The following MMS22L variants were observed in gnomAD, a reference collection of about 807,000 sequenced individuals.
MMS22L encodes MMS22 like, DNA repair protein.
Under a neutral mutation model 159.1 loss-of-function variants are expected in MMS22L, and 74 were observed. That is an observed-to-expected ratio of 0.47 (90% CI 0.39 to 0.56). MMS22L has a LOEUF of 0.56. MMS22L is among the 20% of genes least tolerant of loss of function. The pLI, the probability that MMS22L is intolerant of heterozygous loss-of-function variation, is 0.00. For missense variants in MMS22L, 1,351 were observed against 1,422.1 expected (o/e 0.95, Z 0.80); for synonymous variants, 517 against 506.9 (o/e 1.02, Z -0.27).
At chr6:97,224,734 T>C (rs139854508) in intron 14 of MMS22L, among the ~76,000 whole-genome samples, 4 of 143,344 alleles carry the variant, frequency 2.8e-5, no homozygotes, top group East Asian at 2.0e-4. Context: ...TCATCTCTAA[T>C]TTTTTTTTTT....
chr6:97,225,243 GAA>G (rs573830696), intron 14 of MMS22L, among the ~76,000 whole-genome samples: 1 of 152,166 alleles, frequency 6.6e-6, no homozygotes, highest in African/African-American at 2.4e-5. Flanking sequence ...GTGAAATAGA[GAA>G]AAGAGTTCCT....
chr6:97,189,729 C>T (rs1363798131), intron 14 of MMS22L, among the ~76,000 whole-genome samples: 3 of 151,962 alleles, frequency 2.0e-5, no homozygotes, highest in Non-Finnish European at 4.4e-5. Flanking sequence ...TGGAAATGTG[C>T]ACCCACTTTG....
intron 8 of MMS22L, 71 bp downstream of exon 8, chr6:97,267,801 G>T: frequency 7.6e-7 from 1 of 1,308,474 alleles, no homozygotes; most frequent in South Asian, 2.3e-5. Context: ...AATTCTTACA[G>T]ATTAAACGAC....
intron 22 of MMS22L, among the ~76,000 whole-genome samples, chr6:97,159,929 C>CTTCTTATTTA (rs1461117017): frequency 7.1e-6 from 1 of 140,042 alleles, no homozygotes; most frequent in Non-Finnish European, 1.5e-5. Context: ...CTATATTAAC[C>CTTCTTATTTA]TTCTTATTTA....
Position 97,263,319 on chromosome 6 carries a change from CA to C in MMS22L, c.942+15del. On this transcript the variant is annotated intron_variant, in intron 9 of 24. Coordinates refer to ENST00000683635, the MANE Select transcript of MMS22L (RefSeq NM_001350599.2). ...AGGTTAGTAACAATAACCAACACAT[CA>C]ATTTTCCAACTTACTTCCGAGACAA... The C allele has an allele frequency of 6.8e-7, 1 of 1,468,232 alleles. No individual in the cohort carries two copies. 91.0% of individuals were successfully genotyped at this position (1,468,232 alleles called of 1,614,324 possible).
chr6:97,195,162 A>AAC (rs1806352835), intron 14 of MMS22L, among the ~76,000 whole-genome samples: 1 of 152,220 alleles, frequency 6.6e-6, no homozygotes, highest in Non-Finnish European at 1.5e-5. Context: ...AAGGGAGGGA[A>AAC]ACACACAGGT....
intron 14 of MMS22L, among the ~76,000 whole-genome samples, chr6:97,202,356 A>G (rs1320062354): frequency 6.6e-6 from 1 of 152,198 alleles, no homozygotes; most frequent in Non-Finnish European, 1.5e-5. Flanking sequence ...CTGAGATCAT[A>G]TACCTTTAAA....
intron 16 of MMS22L, among the ~76,000 whole-genome samples, chr6:97,179,994 C>T (rs995689730): frequency 4.1e-4 from 62 of 152,254 alleles, no homozygotes; most frequent in Middle Eastern, 6.8e-3. Flanking sequence ...TCTCACTATA[C>T]GGAGAGTTGT....
intron 11 of MMS22L, among the ~76,000 whole-genome samples, chr6:97,242,673 G>C (rs763491573): frequency 6.6e-6 from 1 of 152,058 alleles, no homozygotes; most frequent in Non-Finnish European, 1.5e-5. Context: ...GTTATTGTTT[G>C]ATAGGCCCTG....
chr6:97,253,343 T>C (rs950446230), intron 10 of MMS22L: 2 of 152,200 alleles, frequency 1.3e-5, no homozygotes, highest in African/African-American at 4.8e-5. Context: ...AAAGAATATG[T>C]TTCATAAAGC....
chr6:97,222,340 G>GT (rs2127981738), intron 14 of MMS22L, among the ~76,000 whole-genome samples: 1 of 152,102 alleles, frequency 6.6e-6, no homozygotes, highest in Admixed American at 6.5e-5. Context: ...TTTTCAAAAT[G>GT]TATTTTGAAG....
chr6:97,270,329 T>C (rs1391706377), intron 6 of MMS22L: 1 of 464,674 alleles, frequency 2.2e-6, no homozygotes. Context: ...TTCATAATTT[T>C]GTTTTAGAAT....
chr6:97,186,351 T>C (rs1157693763), intron 15 of MMS22L, 146 bp downstream of exon 15: 1 of 552,034 alleles, frequency 1.8e-6, no homozygotes, highest in African/African-American at 2.0e-5. Flanking sequence ...AGCCAAAGGA[T>C]CCCAATTTAT....
Position 97,256,482 on chromosome 6 carries a change from G to A in MMS22L, c.943-1749C>T, listed in dbSNP as rs541691558. On this transcript the variant is annotated intron_variant, in intron 9 of 24. Transcript: ENST00000683635. ...CATTCTTCTGCCTAAATATCCTTCA[G>A]GATTCTCTTCAATTTTGCTTCAATG... is the stretch of plus-strand genomic sequence containing the variant. 1.5e-3 allele frequency among the ~76,000 whole-genome samples: 227 copies of A among 151,940 alleles called. 1 individual carries two copies. Among genetic ancestry groups the A allele is most frequent in the Middle Eastern group, 3.4e-3 (1 of 294 alleles).
chr6:97,189,265 A>T (rs1350142298), intron 14 of MMS22L, among the ~76,000 whole-genome samples: 1 of 32,020 alleles, frequency 3.1e-5, no homozygotes, highest in African/African-American at 2.6e-4. Context: ...ATTAGGTTTA[A>T]AAAAAAAAAA....
chr6:97,228,243 G>C (rs1240475661), intron 14 of MMS22L, among the ~76,000 whole-genome samples: 2 of 152,206 alleles, frequency 1.3e-5, no homozygotes, highest in Admixed American at 1.3e-4. Flanking sequence ...GGTAGCAGGG[G>C]AAGGAAGGGC....
chr6:97,161,382 A>G (rs753305775), intron 22 of MMS22L, among the ~76,000 whole-genome samples: 1 of 152,040 alleles, frequency 6.6e-6, no homozygotes, highest in Admixed American at 6.6e-5. Flanking sequence ...TGGGGCATAA[A>G]TTGCTTTAAG....
intron 14 of MMS22L, among the ~76,000 whole-genome samples, chr6:97,196,006 T>C (rs530309288): frequency 6.6e-6 from 1 of 152,262 alleles, no homozygotes; most frequent in South Asian, 2.1e-4. Context: ...GGATATAATT[T>C]GATATGAAAA....
intron 9 of MMS22L, among the ~76,000 whole-genome samples, chr6:97,257,323 A>G (rs1409678152): frequency 6.6e-6 from 1 of 152,238 alleles, no homozygotes; most frequent in African/African-American, 2.4e-5. Flanking sequence ...CATAAGGTGC[A>G]TTTAGCTATC....
Sources: gnomAD v4.1 joint callset for allele counts (sites outside exome capture counted in the v4.1 genomes callset) on GRCh38, gnomAD v4.1.1 for gene constraint, MANE v1.5 for transcripts, NCBI Gene and HGNC (gene_info 2026-07-23, HGNC 2026-07-21) for gene names.